Variants in REEP5 observed in about 807,000 individuals in gnomAD.
REEP5 encodes receptor expression-enhancing protein 5.
In REEP5, 24 loss-of-function variants were observed where a neutral mutation model predicts 22.4. That is an observed-to-expected ratio of 1.07 (90% CI 0.78 to 1.51). The LOEUF (loss-of-function observed/expected upper bound fraction) is 1.51. Among genes scored for constraint, REEP5 ranks in the 40% most tolerant of loss-of-function variants. REEP5 has a pLI of 0.00. For synonymous variants in REEP5, 103 were observed against 88.6 expected (o/e 1.16, Z -0.92); for missense variants, 252 against 233.0 (o/e 1.08, Z -0.53).
At chr5:112,901,970 GAA>G (rs796149854) in intron 3 of REEP5, among the ~76,000 whole-genome samples, 5 of 67,520 alleles carry the variant, frequency 7.4e-5, no homozygotes, top group African/African-American at 2.0e-4. Flanking sequence ...CTCAAAAAAA[GAA>G]AAAAAAAAAA....
chr5:112,921,797 C>G, intron 1 of REEP5: 1 of 315,214 alleles, frequency 3.2e-6, no homozygotes, highest in Middle Eastern at 8.7e-4. Flanking sequence ...GGCGCCGGGC[C>G]GCGGGGCAGA....
At chr5:112,899,550 A>G (rs1356065574) in intron 3 of REEP5, among the ~76,000 whole-genome samples, 1 of 152,132 alleles carries the variant, frequency 6.6e-6, no homozygotes, top group Non-Finnish European at 1.5e-5. Flanking sequence ...AATTGAATGA[A>G]CCATTTACCT....
At chr5:112,915,350 T>G (rs1769208743) in intron 2 of REEP5, among the ~76,000 whole-genome samples, 1 of 152,242 alleles carries the variant, frequency 6.6e-6, no homozygotes, top group African/African-American at 2.4e-5. Context: ...TTTTAAAACT[T>G]TATTTTCTTT....
At chr5:112,891,812 T>C (rs542437180) in intron 3 of REEP5, 30 of 1,595,260 alleles carry the variant, frequency 1.9e-5, no homozygotes, top group African/African-American at 5.4e-5. Context: ...GACACTTTTA[T>C]TGAAGAACAA....
chr5:112,912,462 T>C (rs1172339396), intron 2 of REEP5, among the ~76,000 whole-genome samples: 1 of 152,152 alleles, frequency 6.6e-6, no homozygotes, highest in African/African-American at 2.4e-5. Flanking sequence ...TTTATACCCA[T>C]ATATATTTTA....
chr5:112,909,983 GTCAATGTA>G (rs1234724856), intron 2 of REEP5, among the ~76,000 whole-genome samples: 3 of 152,124 alleles, frequency 2.0e-5, no homozygotes, highest in Admixed American at 6.5e-5. Flanking sequence ...ACAATGATGT[GTCAATGTA>G]TGTTCACCAA....
rs1767944375 is a variant in REEP5, at chr5:112,877,842, T to TTA, written c.*943_*944insTA. On this transcript the variant is annotated 3_prime_UTR_variant, in exon 5 of 5. Coordinates refer to ENST00000379638, the MANE Select transcript of REEP5 (RefSeq NM_005669.5). Reference sequence around the variant, plus strand: ...AAGAAGATTGGGAAAGAAGACTAAATCAACATGTTTCTCCGCTTTGAAGAT... The same window carrying TTA: ...AAGAAGATTGGGAAAGAAGACTAAATTACAACATGTTTCTCCGCTTTGAAGAT... 1.3e-5 allele frequency: 2 copies of TTA among 152,190 alleles called. No homozygotes were observed. The highest frequency in any genetic ancestry group is 2.9e-5 in the Non-Finnish European group (2 of 68,026). 9.4% of individuals were successfully genotyped at this position (152,190 alleles called of 1,614,324 possible).
chr5:112,921,424 G>A, intron 1 of REEP5, 168 bp from the exon 2 acceptor site: 1 of 674,760 alleles, frequency 1.5e-6, no homozygotes, highest in Non-Finnish European at 2.6e-6. Flanking sequence ...GCGTCCGCTG[G>A]GCTATGCCTT....
chr5:112,910,301 C>CA (rs1422667715), intron 2 of REEP5, among the ~76,000 whole-genome samples: 142 of 150,480 alleles, frequency 9.4e-4, no homozygotes, highest in African/African-American at 2.3e-3. Context: ...GACTCCATCT[C>CA]AAAAAAAAAC....
chr5:112,898,926 T>C (rs2150043126), intron 3 of REEP5, among the ~76,000 whole-genome samples: 1 of 152,334 alleles, frequency 6.6e-6, no homozygotes, highest in Non-Finnish European at 1.5e-5. Flanking sequence ...TTACAAGGCA[T>C]TCTGTGGTGA....
At chr5:112,896,139 A>G (rs1479256425) in intron 3 of REEP5, 1 of 152,680 alleles carries the variant, frequency 6.5e-6, no homozygotes, top group African/African-American at 2.4e-5. Flanking sequence ...GTTACAGGCT[A>G]CATTGCTCAG....
At chr5:112,896,894 A>G (rs1472184332) in intron 3 of REEP5, 1 of 152,200 alleles carries the variant, frequency 6.6e-6, no homozygotes, top group Non-Finnish European at 1.5e-5. Context: ...ACGCCACTGC[A>G]CTCCAGCCTG....
intron 3 of REEP5, chr5:112,895,013 T>G (rs1768635356): frequency 6.7e-6 from 1 of 149,500 alleles, no homozygotes; most frequent in Non-Finnish European, 1.5e-5. Context: ...CCGAGGCAGG[T>G]GGATCACGAG....
At position 112,921,150 on chromosome 5, in the gene REEP5, G is replaced by T; in HGVS notation, c.212+13C>A. The T allele has an allele frequency of 6.2e-7, 1 of 1,613,246 alleles. No homozygotes were observed. Among genetic ancestry groups the T allele is most frequent in the Non-Finnish European group, 8.5e-7 (1 of 1,179,278 alleles). ...AGGAAGGGAAGGGGACGGCTGCAGG[G>T]TGTGTCACTTACGAGATGTAGGCTG... On this transcript the variant is annotated intron_variant, in intron 2 of 4. Coordinates refer to ENST00000379638, the MANE Select transcript of REEP5 (RefSeq NM_005669.5).
intron 2 of REEP5, among the ~76,000 whole-genome samples, chr5:112,907,532 T>G (rs1453306609): frequency 6.6e-6 from 1 of 152,192 alleles, no homozygotes; most frequent in African/African-American, 2.4e-5. Flanking sequence ...GAGGCACGAC[T>G]ACAAGGCAGA....
intron 2 of REEP5, among the ~76,000 whole-genome samples, chr5:112,908,236 G>T (rs886179233): frequency 6.6e-6 from 1 of 151,514 alleles, no homozygotes; most frequent in Admixed American, 6.6e-5. Flanking sequence ...GAGTAGCTGG[G>T]ATTACAGGCA....
chr5:112,879,693 G>A (rs959624480), intron 4 of REEP5, among the ~76,000 whole-genome samples: 2 of 151,952 alleles, frequency 1.3e-5, no homozygotes, highest in Admixed American at 6.6e-5. Flanking sequence ...AGCCAGGATG[G>A]TCTCAATTTC....
At chr5:112,890,752 TAG>T (rs1328285370) in intron 3 of REEP5, among the ~76,000 whole-genome samples, 10 of 150,724 alleles carry the variant, frequency 6.6e-5, no homozygotes, top group African/African-American at 2.5e-4. Context: ...ATATAGTATA[TAG>T]AGAGTAACAG....
chr5:112,921,040 C>G (rs528459705), intron 2 of REEP5, 123 bp downstream of exon 2: 2 of 920,652 alleles, frequency 2.2e-6, no homozygotes, highest in South Asian at 1.6e-5. Context: ...TATGTCCAAC[C>G]TCATCCCTCC....
Sources: allele counts gnomAD v4.1 joint callset (sites outside exome capture counted in the v4.1 genomes callset), GRCh38; gene constraint gnomAD v4.1.1; transcripts MANE v1.5; gene names NCBI Gene and HGNC (gene_info 2026-07-23, HGNC 2026-07-21).